UCHL3: variants seen among roughly 807,000 people sequenced by gnomAD.
The protein encoded by UCHL3 is ubiquitin C-terminal hydrolase L3.
A neutral mutation model predicts 35.8 loss-of-function variants in UCHL3; 22 were observed. The observed-to-expected ratio is 0.61, with a 90% CI of 0.44 to 0.88. UCHL3 has a LOEUF of 0.88. Among genes scored for constraint, UCHL3 ranks in the 40% least tolerant of loss-of-function variants. The probability of loss-of-function intolerance (pLI) is 0.00; values close to 1 mark genes in which losing one functional copy is unlikely to be tolerated. For missense variants in UCHL3, 229 were observed against 276.9 expected (o/e 0.83, Z 1.23); for synonymous variants, 90 against 92.8 (o/e 0.97, Z 0.17).
intron 7 of UCHL3, among the ~76,000 whole-genome samples, chr13:75,597,071 A>G (rs143189379): frequency 1.1e-4 from 17 of 152,374 alleles, no homozygotes; most frequent in African/African-American, 4.1e-4. Context: ...AATAATAGGT[A>G]CATTACAAAG....
At chr13:75,594,046 T>C (rs2032580370) in intron 6 of UCHL3, among the ~76,000 whole-genome samples, 1 of 152,208 alleles carries the variant, frequency 6.6e-6, no homozygotes. Context: ...TTTCAAACCA[T>C]TTAGATTTGA....
intron 7 of UCHL3, among the ~76,000 whole-genome samples, chr13:75,599,387 C>T (rs1242972211): frequency 6.6e-6 from 1 of 152,118 alleles, no homozygotes; most frequent in East Asian, 1.9e-4. Context: ...AGTAATAATA[C>T]AGGAATACCT....
chr13:75,588,349 A>G (rs1371554514), intron 6 of UCHL3, among the ~76,000 whole-genome samples: 4 of 151,750 alleles, frequency 2.6e-5, no homozygotes, highest in Admixed American at 6.6e-5. Context: ...CTTCCTTTAC[A>G]TCATTTATTT....
intron 6 of UCHL3, among the ~76,000 whole-genome samples, chr13:75,575,777 A>G (rs2032001176): frequency 6.6e-6 from 1 of 152,208 alleles, no homozygotes. Flanking sequence ...TTTGAGACGT[A>G]GTCTTGCTCT....
chr13:75,561,850 C>CGTACGTATATACGT (rs2031523457), intron 3 of UCHL3, among the ~76,000 whole-genome samples: 2 of 49,696 alleles, frequency 4.0e-5, no homozygotes, highest in African/African-American at 9.2e-5. Flanking sequence ...TATACGTATA[C>CGTACGTATATACGT]ATACGTATAC....
At chr13:75,577,890 CCA>C (rs201883008) in intron 6 of UCHL3, among the ~76,000 whole-genome samples, 6,786 of 152,114 alleles carry the variant, frequency 0.045, 485 homozygotes, top group African/African-American at 0.15. Flanking sequence ...AATTGAGGAG[CCA>C]GCCCAGATAT....
intron 6 of UCHL3, among the ~76,000 whole-genome samples, chr13:75,580,869 C>G (rs1415298570): frequency 1.3e-5 from 2 of 152,134 alleles, no homozygotes; most frequent in Non-Finnish European, 2.9e-5. Flanking sequence ...ATACAAATTG[C>G]TGAAACTAAA....
chr13:75,559,364 A>G (rs1164180717), intron 2 of UCHL3, among the ~76,000 whole-genome samples: 3 of 152,086 alleles, frequency 2.0e-5, no homozygotes, highest in African/African-American at 7.2e-5. Flanking sequence ...CTTATAGGGC[A>G]TGTGACTTGT....
chr13:75,592,423 T>TATATGTATATACATATATAC (rs1566227805), intron 6 of UCHL3, among the ~76,000 whole-genome samples: 255 of 19,684 alleles, frequency 0.013, 14 homozygotes, highest in African/African-American at 0.031. Context: ...TTCATATATA[T>TATATGTATATACATATATAC]ATATATATAT....
intron 7 of UCHL3, among the ~76,000 whole-genome samples, chr13:75,601,192 G>A (rs4611344): frequency 0.77 from 117,353 of 152,148 alleles, 46,015 homozygotes; most frequent in Middle Eastern, 0.88. Flanking sequence ...CTAATAAAGA[G>A]GTCATGAACA....
intron 6 of UCHL3, among the ~76,000 whole-genome samples, chr13:75,584,914 C>T (rs1253848207): frequency 2.0e-5 from 3 of 151,940 alleles, no homozygotes; most frequent in African/African-American, 7.3e-5. Context: ...CAAACTTACT[C>T]ACAAAGGGGA....
Position 75,594,976 on chromosome 13 carries a change from A to G in UCHL3, c.536A>G (p.His179Arg). 1.2e-6 allele frequency: 2 copies of G among 1,605,690 alleles called. No individual in the cohort carries two copies. Among genetic ancestry groups the G allele is most frequent in the Non-Finnish European group, 1.7e-6 (2 of 1,176,990 alleles). The stretch of plus-strand genomic sequence containing the variant: ...ATTGCATTAGTTCATGTAGATGGGC[A>G]TCTCTATGAATTAGGTAAGAACTAT... ...HFIALVHVDG[H>R]LYELDGRKPF... The change falls in exon 7 of 9, where the codon CAT becomes CGT. Residue 179 changes from histidine (H) to arginine (R), a missense_variant. By Grantham distance (29) the His-to-Arg change is conservative. Coordinates refer to ENST00000377595, the MANE Select transcript of UCHL3 (RefSeq NM_006002.5).
intron 6 of UCHL3, chr13:75,590,276 C>A (rs1022654369): frequency 1.7e-6 from 2 of 1,164,206 alleles, no homozygotes; most frequent in Non-Finnish European, 2.2e-6. Flanking sequence ...GCAAGCATAT[C>A]TCTATGCTTT....
chr13:75,595,069 A>G, intron 7 of UCHL3, 79 bp downstream of exon 7: 1 of 1,078,164 alleles, frequency 9.3e-7, no homozygotes. Context: ...AGGACTATTG[A>G]TATTTATTGT....
intron 6 of UCHL3, among the ~76,000 whole-genome samples, chr13:75,586,472 T>C (rs2032326252): frequency 6.6e-6 from 1 of 151,744 alleles, no homozygotes; most frequent in South Asian, 2.1e-4. Flanking sequence ...TACAGAACAT[T>C]ACTAAAAAAT....
At chr13:75,561,840 TATACGTATAC>T (rs1268113214) in intron 3 of UCHL3, among the ~76,000 whole-genome samples, 1 of 147,664 alleles carries the variant, frequency 6.8e-6, no homozygotes, top group African/African-American at 2.5e-5. Flanking sequence ...CGTATATACG[TATACGTATAC>T]ATACGTATAC....
intron 2 of UCHL3, among the ~76,000 whole-genome samples, chr13:75,552,660 T>G (rs1380227030): frequency 6.6e-6 from 1 of 152,190 alleles, no homozygotes; most frequent in Non-Finnish European, 1.5e-5. Flanking sequence ...ATAAAATGAG[T>G]TAAGTGATCA....
At chr13:75,596,884 G>A (rs927973369) in intron 7 of UCHL3, among the ~76,000 whole-genome samples, 1 of 152,168 alleles carries the variant, frequency 6.6e-6, no homozygotes, top group Non-Finnish European at 1.5e-5. Flanking sequence ...TTGGTTTGAA[G>A]TAAGAACTTC....
chr13:75,589,671 C>T (rs1333143513), intron 6 of UCHL3, among the ~76,000 whole-genome samples: 1 of 152,082 alleles, frequency 6.6e-6, no homozygotes, highest in Non-Finnish European at 1.5e-5. Flanking sequence ...TATTAATTTC[C>T]ATGAGTCTGT....
Sources: allele counts gnomAD v4.1 joint callset (sites outside exome capture counted in the v4.1 genomes callset), GRCh38; gene constraint gnomAD v4.1.1; transcripts MANE v1.5; gene names NCBI Gene and HGNC (gene_info 2026-07-23, HGNC 2026-07-21).